The following CSMD3 variants were observed in gnomAD, a reference collection of about 807,000 sequenced individuals.
CSMD3 encodes the protein CUB and sushi domain-containing protein 3.
Under a neutral mutation model 435.2 loss-of-function variants are expected in CSMD3, and 177 were observed. That is an observed-to-expected ratio of 0.41 (90% CI 0.36 to 0.46). CSMD3 has a LOEUF of 0.46. Among genes scored for constraint, CSMD3 ranks in the 20% least tolerant of loss-of-function variants. The pLI, the probability that CSMD3 is intolerant of heterozygous loss-of-function variation, is 0.34. For synonymous variants in CSMD3, 1,656 were observed against 1,520.5 expected (o/e 1.09, Z -2.07); for missense variants, 4,265 against 4,504.6 (o/e 0.95, Z 1.52).
chr8:112,621,740 T>C (rs1490825383), intron 22 of CSMD3, among the ~76,000 whole-genome samples: 2 of 152,176 alleles, frequency 1.3e-5, no homozygotes, highest in African/African-American at 4.8e-5. Flanking sequence ...ATCTCCCAGA[T>C]TTCTCAACAT....
intron 10 of CSMD3, among the ~76,000 whole-genome samples, chr8:112,910,483 G>T (rs545533109): frequency 6.6e-6 from 1 of 151,770 alleles, no homozygotes; most frequent in Non-Finnish European, 1.5e-5. Flanking sequence ...ACCTTCATCG[G>T]CTCCTTCCTC....
Position 112,224,326 on chromosome 8 carries a change from G to A in CSMD3, c.*445C>T, listed in dbSNP as rs1428142826. ...ATAGAGTGGTATGAAAGACAGATTTGTGGGCGTGATGTAGCTCAGGACAGT... is the reference window on the plus strand; with the variant it reads ...ATAGAGTGGTATGAAAGACAGATTTATGGGCGTGATGTAGCTCAGGACAGT... On this transcript the variant is annotated 3_prime_UTR_variant, in exon 71 of 71. Coordinates refer to ENST00000297405, the MANE Select transcript of CSMD3 (RefSeq NM_198123.2). 5.9e-6 allele frequency: 1 copy of A among 170,042 alleles called. No homozygotes were observed. The highest frequency in any genetic ancestry group is 1.3e-5 in the Non-Finnish European group (1 of 77,508). 10.5% of individuals were successfully genotyped at this position (170,042 alleles called of 1,614,324 possible).
At chr8:113,402,305 T>G (rs2129641276) in intron 1 of CSMD3, among the ~76,000 whole-genome samples, 1 of 151,536 alleles carries the variant, frequency 6.6e-6, no homozygotes, top group Middle Eastern at 3.4e-3. Context: ...CTAATTTGAG[T>G]TTGACTGTCT....
At chr8:113,261,177 G>C (rs187649809) in intron 3 of CSMD3, among the ~76,000 whole-genome samples, 1 of 151,974 alleles carries the variant, frequency 6.6e-6, no homozygotes, top group Admixed American at 6.6e-5. Flanking sequence ...CTATTTATTT[G>C]TCAATATGGA....
intron 31 of CSMD3, among the ~76,000 whole-genome samples, chr8:112,475,996 G>A (rs1459572104): frequency 2.0e-5 from 3 of 152,042 alleles, no homozygotes; most frequent in Non-Finnish European, 4.4e-5. Context: ...CACTGCTCCT[G>A]ATTATAACTT....
At chr8:112,897,694 CTG>C (rs375797134) in intron 10 of CSMD3, among the ~76,000 whole-genome samples, 18,939 of 90,078 alleles carry the variant, frequency 0.21, 1,500 homozygotes, top group Non-Finnish European at 0.27. Flanking sequence ...CTCTCTCTCT[CTG>C]TGTGTGTGTG....
At chr8:112,296,830 A>T (rs1301319780) in intron 53 of CSMD3, among the ~76,000 whole-genome samples, 1 of 151,884 alleles carries the variant, frequency 6.6e-6, no homozygotes, top group Admixed American at 6.6e-5. Flanking sequence ...CAACAAAATT[A>T]TTAAACTCTT....
chr8:113,153,917 T>C (rs374294508), intron 4 of CSMD3, among the ~76,000 whole-genome samples: 129 of 152,054 alleles, frequency 8.5e-4, no homozygotes, highest in African/African-American at 3.0e-3. Flanking sequence ...TGTGATGGTA[T>C]GAGAAGAAAA....
chr8:112,490,625 C>G (rs985298630), intron 31 of CSMD3, among the ~76,000 whole-genome samples: 1 of 151,844 alleles, frequency 6.6e-6, no homozygotes, highest in South Asian at 2.1e-4. Flanking sequence ...TTTTTTGTGT[C>G]CTTTGATATT....
intron 1 of CSMD3, among the ~76,000 whole-genome samples, chr8:113,369,081 T>C (rs2094331441): frequency 6.6e-6 from 1 of 152,060 alleles, no homozygotes; most frequent in Non-Finnish European, 1.5e-5. Context: ...AGGAGAATAC[T>C]ACTCATTTTC....
intron 7 of CSMD3, among the ~76,000 whole-genome samples, chr8:112,973,449 G>T (rs1345877373): frequency 1.3e-5 from 2 of 151,618 alleles, no homozygotes; most frequent in East Asian, 1.9e-4. Context: ...CTATGTCCTC[G>T]ACTCTATTGC....
intron 22 of CSMD3, among the ~76,000 whole-genome samples, chr8:112,630,916 A>G (rs923515056): frequency 2.7e-5 from 4 of 149,112 alleles, no homozygotes; most frequent in Non-Finnish European, 6.0e-5. Flanking sequence ...GTTGAGAATT[A>G]TGTTACCAAC....
chr8:112,845,742 G>T (rs1039959269), intron 11 of CSMD3, among the ~76,000 whole-genome samples: 7 of 152,086 alleles, frequency 4.6e-5, no homozygotes, highest in African/African-American at 1.7e-4. Flanking sequence ...TAATTGGAAA[G>T]CTGGTTATTA....
chr8:112,775,331 C>T (rs1009471878), intron 13 of CSMD3, among the ~76,000 whole-genome samples: 1 of 151,764 alleles, frequency 6.6e-6, no homozygotes, highest in African/African-American at 2.4e-5. Context: ...CATATAGCAT[C>T]TGTCATAGCA....
At chr8:112,523,063 T>C (rs1824466883) in intron 27 of CSMD3, among the ~76,000 whole-genome samples, 1 of 151,958 alleles carries the variant, frequency 6.6e-6, no homozygotes, top group Admixed American at 6.6e-5. Context: ...CTGAAATCAC[T>C]CTTAAGTTCT....
intron 22 of CSMD3, among the ~76,000 whole-genome samples, chr8:112,628,648 T>C (rs1057079094): frequency 1.6e-4 from 24 of 152,198 alleles, no homozygotes; most frequent in African/African-American, 5.5e-4. Context: ...TATATATTCA[T>C]TTCTTTATCA....
intron 22 of CSMD3, among the ~76,000 whole-genome samples, chr8:112,610,186 C>T (rs560711442): frequency 3.9e-5 from 6 of 152,230 alleles, no homozygotes; most frequent in Admixed American, 2.0e-4. Context: ...CACACACACA[C>T]AGTGTAACTA....
At chr8:112,571,690 G>A (rs898853459) in intron 24 of CSMD3, among the ~76,000 whole-genome samples, 2 of 151,736 alleles carry the variant, frequency 1.3e-5, no homozygotes, top group Non-Finnish European at 2.9e-5. Context: ...CCAACATGGT[G>A]AAACACCATC....
At chr8:112,501,047 C>T (rs1364433981) in intron 30 of CSMD3, among the ~76,000 whole-genome samples, 1 of 152,012 alleles carries the variant, frequency 6.6e-6, no homozygotes, top group Non-Finnish European at 1.5e-5. Context: ...AGTGGGCTGG[C>T]TTTCCCCTTT....
Sources: gnomAD v4.1 joint callset for allele counts (sites outside exome capture counted in the v4.1 genomes callset) on GRCh38, gnomAD v4.1.1 for gene constraint, MANE v1.5 for transcripts, NCBI Gene and HGNC (gene_info 2026-07-23, HGNC 2026-07-21) for gene names.